B4GALT6: variants seen among roughly 807,000 people sequenced by gnomAD.
B4GALT6 encodes UDP-Gal:beta-GlcNAc beta-1,4-galactosyltransferase 6.
B4GALT6 carries 14 observed loss-of-function variants against 46.3 expected under a neutral mutation model. That is an observed-to-expected ratio of 0.30 (90% CI 0.20 to 0.47). B4GALT6 has a LOEUF of 0.47. B4GALT6 is among the 20% of genes least tolerant of loss of function. The pLI is 0.99. For missense variants in B4GALT6, 386 were observed against 480.1 expected, an observed-to-expected ratio of 0.80 and a Z score of 1.83; for synonymous variants, 168 against 162.0, an observed-to-expected ratio of 1.04 and a Z score of -0.28.
chr18:31,689,949 A>G (rs1473235133), upstream of B4GALT6, among the ~76,000 whole-genome samples: 1 of 152,176 alleles, frequency 6.6e-6, no homozygotes, highest in Non-Finnish European at 1.5e-5. Context: ...TATCCACAAT[A>G]CTAGATCTTC....
At chr18:31,641,215 G>T (rs2073926892) in intron 4 of B4GALT6, among the ~76,000 whole-genome samples, 1 of 152,164 alleles carries the variant, frequency 6.6e-6, no homozygotes, top group African/African-American at 2.4e-5. Context: ...AAAAAGTAAA[G>T]TTCTAGCTCC....
intron 3 of B4GALT6, among the ~76,000 whole-genome samples, chr18:31,648,427 G>A (rs1452658634): frequency 6.6e-6 from 1 of 152,208 alleles, no homozygotes; most frequent in Non-Finnish European, 1.5e-5. Flanking sequence ...CTGAGTGTCT[G>A]AAGAGTGGAG....
chr18:31,660,356 G>GC (rs1372826529), intron 2 of B4GALT6, among the ~76,000 whole-genome samples: 2 of 151,870 alleles, frequency 1.3e-5, no homozygotes, highest in Non-Finnish European at 2.9e-5. Flanking sequence ...CTCCTACCTT[G>GC]CTAGTGGTAG....
intron 3 of B4GALT6, among the ~76,000 whole-genome samples, chr18:31,649,575 C>CAAAAAAAAAAAAA (rs66578099): frequency 2.9e-5 from 3 of 102,410 alleles, no homozygotes; most frequent in Non-Finnish European, 4.3e-5. Flanking sequence ...AAAAAATGAG[C>CAAAAAAAAAAAAA]AAAAAAAAAA....
rs566132946 is a variant in B4GALT6, at chr18:31,638,285, T to A, written c.588+359A>T. Among the ~76,000 whole-genome samples, 482 of 152,240 alleles carry A rather than the reference T, an allele frequency of 3.2e-3. 3 individuals are homozygous for A. The highest frequency in any genetic ancestry group is 0.011 in the African/African-American group (458 of 41,516). On this transcript the variant is annotated intron_variant, in intron 5 of 8. Coordinates refer to ENST00000306851, the MANE Select transcript of B4GALT6 (RefSeq NM_004775.5). ...GCTCATACCTGTAATCCTAGCACTT[T>A]AGGAGGCCGAGGGGGGTGGATCACG... is the stretch of plus-strand genomic sequence containing the variant.
intron 5 of B4GALT6, among the ~76,000 whole-genome samples, chr18:31,633,312 C>T (rs2144519173): frequency 6.6e-6 from 1 of 152,186 alleles, no homozygotes; most frequent in South Asian, 2.1e-4. Context: ...AAAGTTGCTC[C>T]TCTACTTAAG....
chr18:31,656,372 T>C (rs575740143), intron 3 of B4GALT6, among the ~76,000 whole-genome samples: 1 of 152,192 alleles, frequency 6.6e-6, no homozygotes, highest in African/African-American at 2.4e-5. Context: ...CAAACCTATA[T>C]GTACAAAGTA....
chr18:31,690,867 A>G, the B4GALT6 span, among the ~76,000 whole-genome samples: 22 of 152,316 alleles, frequency 1.4e-4, no homozygotes, highest in African/African-American at 5.1e-4. Context: ...TGAAGCTGGA[A>G]GCCATCATTC....
chr18:31,681,370 T>C (rs1347806202), intron 1 of B4GALT6, among the ~76,000 whole-genome samples: 1 of 152,144 alleles, frequency 6.6e-6, no homozygotes, highest in East Asian at 1.9e-4. Context: ...CCTCTAGGGG[T>C]GGGCTACAGC....
chr18:31,713,861 C>T, the B4GALT6 span, among the ~76,000 whole-genome samples: 16 of 152,228 alleles, frequency 1.1e-4, no homozygotes, highest in East Asian at 3.9e-4. Flanking sequence ...TTAATTGGTG[C>T]GTCACAGCAT....
intron 2 of B4GALT6, 142 bp from the exon 3 acceptor site, chr18:31,658,231 T>C: frequency 1.6e-6 from 1 of 613,186 alleles, no homozygotes; most frequent in Admixed American, 3.0e-5. Context: ...TTTAAGGAAC[T>C]AGAGAACAGC....
intron 2 of B4GALT6, among the ~76,000 whole-genome samples, chr18:31,660,765 A>C (rs1221242478): frequency 5.3e-5 from 8 of 152,136 alleles, no homozygotes; most frequent in Non-Finnish European, 1.2e-4. Context: ...AATAATATAA[A>C]AATATTTTGG....
the B4GALT6 span, among the ~76,000 whole-genome samples, chr18:31,710,534 G>A: frequency 6.6e-6 from 1 of 152,222 alleles, no homozygotes; most frequent in East Asian, 1.9e-4. Flanking sequence ...ATTGGATGAT[G>A]CACTACAAGC....
At chr18:31,660,713 C>A in intron 2 of B4GALT6, among the ~76,000 whole-genome samples, 1 of 150,724 alleles carries the variant, frequency 6.6e-6, no homozygotes, top group East Asian at 1.9e-4. Context: ...AATAGGAGTT[C>A]CAAAAAGAAA....
upstream of B4GALT6, among the ~76,000 whole-genome samples, chr18:31,689,403 A>C (rs151167665): frequency 2.0e-3 from 309 of 151,976 alleles, 5 homozygotes; most frequent in African/African-American, 6.9e-3. Context: ...CATGGTGCCC[A>C]GTGCCTTCCA....
At chr18:31,698,499 G>T in the B4GALT6 span, among the ~76,000 whole-genome samples, 4 of 151,962 alleles carry the variant, frequency 2.6e-5, no homozygotes, top group African/African-American at 9.7e-5. Flanking sequence ...AGGCATGGTG[G>T]TGCACACCAG....
intron 1 of B4GALT6, among the ~76,000 whole-genome samples, chr18:31,683,467 T>C (rs1427426236): frequency 1.3e-5 from 2 of 152,232 alleles, no homozygotes; most frequent in Non-Finnish European, 2.9e-5. Context: ...TTAATATGCA[T>C]GTGAAGTTCA....
chr18:31,708,079 C>T, the B4GALT6 span, among the ~76,000 whole-genome samples: 1 of 152,146 alleles, frequency 6.6e-6, no homozygotes, highest in Admixed American at 6.5e-5. Flanking sequence ...CTTCAGTATG[C>T]ATTATGATCA....
At chr18:31,642,582 A>G (rs967529399) in intron 4 of B4GALT6, among the ~76,000 whole-genome samples, 3 of 152,246 alleles carry the variant, frequency 2.0e-5, no homozygotes, top group Non-Finnish European at 4.4e-5. Flanking sequence ...AATGACCTGC[A>G]TAGCATTCTC....
Sources: allele counts gnomAD v4.1 joint callset (sites outside exome capture counted in the v4.1 genomes callset), GRCh38; gene constraint gnomAD v4.1.1; transcripts MANE v1.5; gene names NCBI Gene and HGNC (gene_info 2026-07-23, HGNC 2026-07-21).